SUGCT: variants seen among roughly 807,000 people sequenced by gnomAD.
SUGCT encodes the protein succinyl-CoA:glutarate-CoA transferase, also known as succinyl-CoA:glutarate CoA-transferase.
Under a neutral mutation model 55.0 loss-of-function variants are expected in SUGCT, and 41 were observed. That is an observed-to-expected ratio of 0.74 (90% CI 0.58 to 0.97). SUGCT has a LOEUF of 0.97. SUGCT is among the 50% of genes least tolerant of loss of function. The pLI, the probability that SUGCT is intolerant of heterozygous loss-of-function variation, is 0.00. For synonymous variants in SUGCT, 187 were observed against 200.4 expected (o/e 0.93, Z 0.56); for missense variants, 568 against 547.8 (o/e 1.04, Z -0.37).
chr7:40,905,358 A>G, the SUGCT span, among the ~76,000 whole-genome samples: 1 of 152,230 alleles, frequency 6.6e-6, no homozygotes, highest in African/African-American at 2.4e-5. Flanking sequence ...TTTTCTCACA[A>G]AAAAGCAGAA....
At chr7:40,264,543 G>T (rs998805239) in intron 7 of SUGCT, among the ~76,000 whole-genome samples, 1 of 152,150 alleles carries the variant, frequency 6.6e-6, no homozygotes, top group Non-Finnish European at 1.5e-5. Flanking sequence ...TGTTCTGTGT[G>T]CACGGAAACC....
chr7:40,361,853 G>A (rs931994912), intron 9 of SUGCT, among the ~76,000 whole-genome samples: 1 of 151,928 alleles, frequency 6.6e-6, no homozygotes, highest in Non-Finnish European at 1.5e-5. Flanking sequence ...GGGCACATTG[G>A]AATCACATGG....
At chr7:40,292,544 G>C (rs1307547424) in intron 8 of SUGCT, among the ~76,000 whole-genome samples, 1 of 152,102 alleles carries the variant, frequency 6.6e-6, no homozygotes, top group Non-Finnish European at 1.5e-5. Context: ...CTTTCCACCA[G>C]ACAGCTCTGT....
At chr7:40,604,367 T>C (rs907925740) in intron 12 of SUGCT, among the ~76,000 whole-genome samples, 3 of 152,112 alleles carry the variant, frequency 2.0e-5, no homozygotes, top group Admixed American at 6.5e-5. Flanking sequence ...GTATTTTTAA[T>C]TTTTTCTTTC....
At chr7:40,985,505 CAGA>C in the SUGCT span, among the ~76,000 whole-genome samples, 19 of 152,076 alleles carry the variant, frequency 1.2e-4, no homozygotes, top group Non-Finnish European at 2.8e-4. Context: ...AAAAAAATCT[CAGA>C]AGAAGTTAAA....
chr7:40,411,828 GC>G (rs754340726), intron 9 of SUGCT, among the ~76,000 whole-genome samples: 8 of 152,108 alleles, frequency 5.3e-5, no homozygotes, highest in Non-Finnish European at 8.8e-5. Context: ...TATCCCAATT[GC>G]CCTGATTTGA....
At chr7:40,698,597 A>G (rs74464701) in intron 12 of SUGCT, among the ~76,000 whole-genome samples, 128 of 152,342 alleles carry the variant, frequency 8.4e-4, no homozygotes, top group African/African-American at 2.7e-3. Flanking sequence ...AACACAGTCT[A>G]TTGAAATAGC....
At chr7:40,877,662 T>TATAC in the SUGCT span, among the ~76,000 whole-genome samples, 1 of 152,232 alleles carries the variant, frequency 6.6e-6, no homozygotes, top group Admixed American at 6.5e-5. Context: ...TCTTAACCTG[T>TATAC]ATACACCAAG....
intron 12 of SUGCT, among the ~76,000 whole-genome samples, chr7:40,520,618 A>G (rs1299100186): frequency 2.6e-5 from 4 of 152,166 alleles, no homozygotes; most frequent in Non-Finnish European, 4.4e-5. Flanking sequence ...GGCATTTGCT[A>G]CAATAGGAGG....
chr7:40,672,193 CA>C (rs1411204021), intron 12 of SUGCT, among the ~76,000 whole-genome samples: 4 of 152,108 alleles, frequency 2.6e-5, no homozygotes, highest in African/African-American at 9.7e-5. Context: ...AAAATTTACT[CA>C]AAATACATCA....
intron 12 of SUGCT, among the ~76,000 whole-genome samples, chr7:40,694,142 T>C (rs1006577351): frequency 6.6e-6 from 1 of 152,232 alleles, no homozygotes. Flanking sequence ...TTGACTGGCT[T>C]CTATTTTCGT....
At chr7:40,157,547 C>G (rs1202336955) in intron 1 of SUGCT, among the ~76,000 whole-genome samples, 2 of 152,162 alleles carry the variant, frequency 1.3e-5, no homozygotes, top group African/African-American at 4.8e-5. Context: ...AGATTAAAAA[C>G]TTAAATATTT....
chr7:40,384,186 AC>A (rs1260121964), intron 9 of SUGCT, among the ~76,000 whole-genome samples: 1 of 152,148 alleles, frequency 6.6e-6, no homozygotes, highest in East Asian at 1.9e-4. Context: ...AGAACAAACT[AC>A]TGGCAGTTGT....
Position 40,182,024 on chromosome 7 carries a change from AC to A in SUGCT, c.224del (p.Pro75GlnfsTer42). Reference protein sequence around the residue: ...LGAEVIKVERPGAGDDTRTWG... With the variant: ...LGAEVIKVERXGAGDDTRTWG... ...GAGCAGAAGTTATAAAAGTGGAGAG[AC>A]CAGGTAAAGCTATTACTCCCTTTAA... On this transcript the variant is annotated frameshift_variant, in exon 3 of 14. Transcript: ENST00000335693. LOFTEE classifies it high-confidence loss of function. 6.3e-7 allele frequency: 1 copy of A among 1,583,698 alleles called. No homozygotes were observed. The highest frequency in any genetic ancestry group is 8.6e-7 in the Non-Finnish European group (1 of 1,159,548).
At chr7:40,661,446 C>T (rs1017663146) in intron 12 of SUGCT, among the ~76,000 whole-genome samples, 3 of 152,146 alleles carry the variant, frequency 2.0e-5, no homozygotes, top group Non-Finnish European at 2.9e-5. Context: ...TAATATAATT[C>T]GTCTTAAAAT....
At chr7:40,825,587 C>G (rs1792272114) in intron 13 of SUGCT, among the ~76,000 whole-genome samples, 1 of 152,136 alleles carries the variant, frequency 6.6e-6, no homozygotes, top group Non-Finnish European at 1.5e-5. Context: ...CTAACCCCTC[C>G]ACATGAGTAA....
chr7:40,843,508 C>CAAA (rs57586466), intron 13 of SUGCT, among the ~76,000 whole-genome samples: 1 of 127,880 alleles, frequency 7.8e-6, no homozygotes, highest in Non-Finnish European at 1.7e-5. Context: ...GACTCTGTCT[C>CAAA]AAAAAAAAAA....
chr7:40,415,061 A>ATCTATCTATCTGTCTGTCT (rs59583043), intron 9 of SUGCT, among the ~76,000 whole-genome samples: 1 of 63,586 alleles, frequency 1.6e-5, no homozygotes, highest in Non-Finnish European at 2.8e-5. Flanking sequence ...AAAAAAAAAA[A>ATCTATCTATCTGTCTGTCT]ATCTATCTAT....
At chr7:40,203,978 A>G (rs1786780255) in intron 6 of SUGCT, among the ~76,000 whole-genome samples, 1 of 152,006 alleles carries the variant, frequency 6.6e-6, no homozygotes, top group African/African-American at 2.4e-5. Context: ...AAACATTATG[A>G]CAGTTTTCCT....
Sources: allele counts gnomAD v4.1 joint callset (sites outside exome capture counted in the v4.1 genomes callset), GRCh38; gene constraint gnomAD v4.1.1; transcripts MANE v1.5; gene names NCBI Gene and HGNC (gene_info 2026-07-23, HGNC 2026-07-21).